FOXP1: variants seen among roughly 807,000 people sequenced by gnomAD.
The protein encoded by FOXP1 is forkhead box P1.
In FOXP1, 15 loss-of-function variants were observed where a neutral mutation model predicts 98.2. The ratio of observed to expected loss-of-function variants is 0.15; its 90% CI spans 0.10 to 0.24. The LOEUF (loss-of-function observed/expected upper bound fraction) is 0.24. Ranked by LOEUF, FOXP1 falls within the 10% of genes least tolerant of loss-of-function variation. The pLI, the probability that FOXP1 is intolerant of heterozygous loss-of-function variation, is 1.00. For synonymous variants in FOXP1, 371 were observed against 314.5 expected, an observed-to-expected ratio of 1.18 and a Z score of -1.90; for missense variants, 633 against 848.5, an observed-to-expected ratio of 0.75 and a Z score of 3.15.
chr3:71,073,457 C>A (rs139941886), intron 7 of FOXP1, among the ~76,000 whole-genome samples: 18 of 152,272 alleles, frequency 1.2e-4, no homozygotes. Flanking sequence ...CTTACGACAA[C>A]CTATGAAACA....
chr3:71,457,332 G>A (rs2087601005), intron 3 of FOXP1, among the ~76,000 whole-genome samples: 1 of 152,106 alleles, frequency 6.6e-6, no homozygotes, highest in African/African-American at 2.4e-5. Flanking sequence ...GAACTTCTAG[G>A]TAAATTACAA....
At chr3:71,225,892 G>A (rs897286125) in intron 5 of FOXP1, among the ~76,000 whole-genome samples, 15 of 152,184 alleles carry the variant, frequency 9.9e-5, no homozygotes, top group African/African-American at 3.6e-4. Flanking sequence ...GACTGGGCAC[G>A]GGGGCCCAAG....
intron 7 of FOXP1, among the ~76,000 whole-genome samples, chr3:71,072,016 C>T (rs748520430): frequency 3.3e-5 from 5 of 152,160 alleles, no homozygotes; most frequent in Non-Finnish European, 7.3e-5. Flanking sequence ...CAATTAGGAT[C>T]CTATGTAAAA....
At chr3:71,466,068 A>T (rs1305848916) in intron 3 of FOXP1, among the ~76,000 whole-genome samples, 1 of 152,200 alleles carries the variant, frequency 6.6e-6, no homozygotes, top group Admixed American at 6.5e-5. Context: ...GATCTAAGCA[A>T]CATGCTGGAC....
At chr3:71,477,549 G>A (rs760763623) in intron 3 of FOXP1, among the ~76,000 whole-genome samples, 8 of 152,088 alleles carry the variant, frequency 5.3e-5, no homozygotes, top group Admixed American at 2.0e-4. Flanking sequence ...AGGTAAGCTC[G>A]ACAAAAGCAA....
At chr3:71,302,475 C>G (rs564544983) in intron 4 of FOXP1, among the ~76,000 whole-genome samples, 1 of 141,558 alleles carries the variant, frequency 7.1e-6, no homozygotes, top group Non-Finnish European at 1.5e-5. Flanking sequence ...AGCACAAGCA[C>G]CAAAACTAAA....
chr3:71,410,963 C>T (rs1163271482), intron 3 of FOXP1, among the ~76,000 whole-genome samples: 1 of 152,086 alleles, frequency 6.6e-6, no homozygotes, highest in Non-Finnish European at 1.5e-5. Context: ...GTGTAGCAGA[C>T]GAGACAAACA....
chr3:71,480,638 AAGCAAAAGACGAACAGCTGAAGG>A (rs1234705836), intron 3 of FOXP1, among the ~76,000 whole-genome samples: 2 of 152,190 alleles, frequency 1.3e-5, no homozygotes, highest in African/African-American at 2.4e-5. Flanking sequence ...CTCAAAATTG[AAGCAAAAGACGAACAGCTGAAGG>A]AGCAAGAGAT....
chr3:71,412,701 A>AC (rs2082845395), intron 3 of FOXP1, among the ~76,000 whole-genome samples: 1 of 152,168 alleles, frequency 6.6e-6, no homozygotes, highest in South Asian at 2.1e-4. Flanking sequence ...TAGTCCCAAG[A>AC]AACACTGGGC....
chr3:70,977,001 C>T lies in FOXP1; in HGVS notation c.1470G>A (p.Glu490=). Residue 490 remains glutamate (E), a synonymous_variant, in exon 17 of 21, where the codon GAG becomes GAA. Transcript: ENST00000649528. ...ACATTCGTGTGAACCAGTTATAGAT[C>T]TCATTTAGTGTTAGCTGCTTTTCTG... ...ESPEKQLTLN[E]IYNWFTRMFA... 2 of 1,614,126 alleles carry T rather than the reference C, an allele frequency of 1.2e-6. No homozygotes were observed. Among genetic ancestry groups the T allele is most frequent in the Non-Finnish European group, 1.7e-6 (2 of 1,179,984 alleles).
intron 5 of FOXP1, among the ~76,000 whole-genome samples, chr3:71,210,282 C>T (rs1212021070): frequency 6.6e-6 from 1 of 152,182 alleles, no homozygotes; most frequent in African/African-American, 2.4e-5. Context: ...GTTCTGCAAA[C>T]CTAAAGTCAC....
intron 7 of FOXP1, among the ~76,000 whole-genome samples, chr3:71,098,165 T>C (rs1273630364): frequency 1.3e-5 from 2 of 152,230 alleles, no homozygotes; most frequent in African/African-American, 4.8e-5. Flanking sequence ...TTGCAAATAA[T>C]CAAGTAAACC....
chr3:71,007,332 G>A (rs937078778), intron 12 of FOXP1, among the ~76,000 whole-genome samples: 2 of 152,132 alleles, frequency 1.3e-5, no homozygotes, highest in African/African-American at 4.8e-5. Context: ...ATTATAGACA[G>A]CTATTCCCTC....
intron 11 of FOXP1, among the ~76,000 whole-genome samples, chr3:71,034,719 C>G (rs1179610630): frequency 6.6e-6 from 1 of 152,084 alleles, no homozygotes; most frequent in African/African-American, 2.4e-5. Context: ...AAAACAGAAC[C>G]TTAAATTTGT....
chr3:71,418,616 T>G (rs2083395930), intron 3 of FOXP1, among the ~76,000 whole-genome samples: 2 of 152,218 alleles, frequency 1.3e-5, no homozygotes, highest in South Asian at 4.1e-4. Context: ...AATTAGTAAC[T>G]GTCAGAACCA....
chr3:71,434,358 G>T (rs901097279), intron 3 of FOXP1, among the ~76,000 whole-genome samples: 1 of 151,960 alleles, frequency 6.6e-6, no homozygotes, highest in Non-Finnish European at 1.5e-5. Context: ...GAGTCCACCT[G>T]CAGGCTGCAC....
chr3:71,455,841 T>A (rs2087432787), intron 3 of FOXP1, among the ~76,000 whole-genome samples: 1 of 152,240 alleles, frequency 6.6e-6, no homozygotes, highest in South Asian at 2.1e-4. Flanking sequence ...TGCAAACTGA[T>A]GCTTGCTTTA....
intron 5 of FOXP1, among the ~76,000 whole-genome samples, chr3:71,286,582 A>C (rs1288830): frequency 0.016 from 2,376 of 152,284 alleles, 63 homozygotes; most frequent in African/African-American, 0.054. Flanking sequence ...ATTTGGGATA[A>C]ATTAAACAAT....
rs149293263 is a variant in FOXP1, at chr3:71,197,210, A to G, written c.180+992T>C. Among the ~76,000 whole-genome samples the G allele has an allele frequency of 3.2e-4, 49 of 152,218 alleles. 1 individual carries two copies. Among genetic ancestry groups the G allele is most frequent in the African/African-American group, 1.1e-3 (47 of 41,532 alleles). ...CTGCAGCTTTCAGAAAGGCCCAAAG[A>G]TACTTCATTCTTTTTAATTCACCTG... On this transcript the variant is annotated intron_variant, in intron 6 of 20. Transcript: ENST00000649528.
Sources: allele counts gnomAD v4.1 joint callset (sites outside exome capture counted in the v4.1 genomes callset), GRCh38; gene constraint gnomAD v4.1.1; transcripts MANE v1.5; gene names NCBI Gene and HGNC (gene_info 2026-07-23, HGNC 2026-07-21).